The following EME2 variants were observed in gnomAD, a reference collection of about 807,000 sequenced individuals.
The protein encoded by EME2 is essential meiotic structure-specific endonuclease subunit 2.
In EME2, 58 loss-of-function variants were observed where a neutral mutation model predicts 41.9. The ratio of observed to expected loss-of-function variants is 1.38; its 90% CI spans 1.12 to 1.72. The LOEUF (loss-of-function observed/expected upper bound fraction) is 1.72. Ranked by LOEUF, EME2 falls within the 40% of genes most tolerant of loss-of-function variation. The probability of loss-of-function intolerance (pLI) is 0.00; values close to 1 mark genes in which losing one functional copy is unlikely to be tolerated. For synonymous variants in EME2, 334 were observed against 239.3 expected, an observed-to-expected ratio of 1.40 and a Z score of -3.65; for missense variants, 695 against 541.9, an observed-to-expected ratio of 1.28 and a Z score of -2.81.
chr16:1,775,613 G>C lies in EME2; in HGVS notation c.708G>C (p.Leu236=). 4.3e-6 allele frequency: 7 copies of C among 1,612,934 alleles called. No homozygotes were observed. The highest frequency in any genetic ancestry group is 1.1e-5 in the South Asian group (1 of 91,086). The part of the protein sequence containing the change: ...LQLWANLDVL[L]VASWQELSRH... ...TCTGGGCAAACCTGGACGTGCTACT[G>C]GTGGCCTCTTGGCAGGAGCTGAGTC... The change falls in exon 6 of 8, where the codon CTG becomes CTC. Residue 236 remains leucine, a synonymous_variant. Coordinates refer to ENST00000568449, the MANE Select transcript of EME2 (RefSeq NM_001257370.2).
At position 1,775,986 on chromosome 16, in the gene EME2, G is replaced by A. The variant is rs1450626661; in HGVS notation, c.969G>A (p.Gln323=). ...TCCCCTCCCCCCGCCTTCTGCAGCAGGTGGGCCCCTGCCTCCTCCAAGCCC... is the reference window on the plus strand; with the variant it reads ...TCCCCTCCCCCCGCCTTCTGCAGCAAGTGGGCCCCTGCCTCCTCCAAGCCC... The part of the protein sequence containing the change: ...TAFPSPRLLQ[Q]ALEACSTERE... Residue 323 remains glutamine, a splice_region_variant and synonymous_variant, in exon 7 of 8, where the codon CAG becomes CAA. Coordinates refer to ENST00000568449, the MANE Select transcript of EME2 (RefSeq NM_001257370.2). 6.2e-7 allele frequency: 1 copy of A among 1,608,136 alleles called. No homozygotes were observed. Among genetic ancestry groups the A allele is most frequent in the African/African-American group, 1.3e-5 (1 of 74,878 alleles).
In EME2 at chr16:1,775,559, T is replaced by C. The variant is rs748431202; in HGVS notation, c.664-10T>C. 1.2e-6 allele frequency: 2 copies of C among 1,612,320 alleles called. No individual in the cohort carries two copies. Among genetic ancestry groups the C allele is most frequent in the African/African-American group, 2.7e-5 (2 of 75,014 alleles). ...TCTGGCTCGTGCCCATCAGCTTGCC[T>C]CCTCCCCAGGCCCTGGTACTCCTGC... On this transcript the variant is annotated splice_polypyrimidine_tract_variant and intron_variant, in intron 5 of 7. Transcript: ENST00000568449.
At position 1,774,248 on chromosome 16, in the gene EME2, A is replaced by G. The variant is rs1243295207; in HGVS notation, c.385-12A>G. On this transcript the variant is annotated splice_polypyrimidine_tract_variant and intron_variant, in intron 2 of 7. Transcript: ENST00000568449. ...TTGAGACAGGCAGCAGCGCGTCCCC[A>G]TGTCCCCACAGCTGCCTCCTGAAGT... 6 of 1,610,500 alleles carry G rather than the reference A, an allele frequency of 3.7e-6. No homozygotes were observed. The highest frequency in any genetic ancestry group is 1.7e-5 in the Admixed American group (1 of 59,982).
intron 1 of EME2, 70 bp downstream of exon 1, chr16:1,773,544 C>A: frequency 1.3e-6 from 2 of 1,527,414 alleles, no homozygotes; most frequent in South Asian, 2.5e-5. Flanking sequence ...GCCCTCTGTC[C>A]GACTGGGCGG....
rs894769666 is a variant in EME2 at position 1,772,849 on chromosome 16, C to G, written c.-379C>G. The G allele has an allele frequency of 6.9e-7, 1 of 1,443,564 alleles. No individual in the cohort carries two copies. Among genetic ancestry groups the G allele is most frequent in the African/African-American group, 1.4e-5 (1 of 69,930 alleles). The allele number at this position is 1,443,564 out of a possible 1,614,324, so 89.4% of individuals were successfully genotyped here. On this transcript the variant is annotated 5_prime_UTR_variant, in exon 1 of 8. Transcript: ENST00000568449. ...CGCGTGAGGCGCCAGTAGCACGGCT[C>G]GTCGTGCTGCCACAGCCAGGACTTG...
rs376486568 is a variant in EME2, at chr16:1,778,172, C to A, written c.*1934C>A. 9.9e-6 allele frequency: 16 copies of A among 1,612,934 alleles called. No homozygotes were observed. The highest frequency in any genetic ancestry group is 1.4e-5 in the Non-Finnish European group (16 of 1,179,892). On this transcript the variant is annotated 3_prime_UTR_variant, in exon 8 of 8. Transcript: ENST00000568449. Reference sequence around the variant, plus strand: ...TAGACGGGAGAGGTCATCTTGATCTCCCAGAAGTGCTGGCCCTCCCCCAGC... The same window carrying A: ...TAGACGGGAGAGGTCATCTTGATCTACCAGAAGTGCTGGCCCTCCCCCAGC...
Position 1,777,961 on chromosome 16 carries a change from C to A in EME2, c.*1723C>A. The stretch of plus-strand genomic sequence containing the variant: ...CCTCACGCACCCGTGTAGGAGAGGC[C>A]CCAGCTGTCCTCATCCCTGCCCAGC... On this transcript the variant is annotated 3_prime_UTR_variant, in exon 8 of 8. Coordinates refer to ENST00000568449, the MANE Select transcript of EME2 (RefSeq NM_001257370.2). 1 of 1,612,912 alleles carries A rather than the reference C, an allele frequency of 6.2e-7. No homozygotes were observed. Among genetic ancestry groups the A allele is most frequent in the Non-Finnish European group, 8.5e-7 (1 of 1,179,932 alleles).
In EME2 at chr16:1,781,630, G is replaced by C. The variant is rs1896716045; in HGVS notation, c.*5392G>C. Reference sequence around the variant, plus strand: ...CGGTGCCCAGCCAGGGCTCCAGAACGCTTCAGGAGCCCGTACCTCACTCCA... The same window carrying C: ...CGGTGCCCAGCCAGGGCTCCAGAACCCTTCAGGAGCCCGTACCTCACTCCA... On this transcript the variant is annotated 3_prime_UTR_variant, in exon 8 of 8. Transcript: ENST00000568449. The C allele has an allele frequency of 6.7e-6, 6 of 897,846 alleles. No homozygotes were observed. Among genetic ancestry groups the C allele is most frequent in the Non-Finnish European group, 1.0e-5 (6 of 598,030 alleles). The allele number at this position is 897,846 out of a possible 1,614,324, so 55.6% of individuals were successfully genotyped here.
At chr16:1,775,170 G>T in intron 4 of EME2, 38 bp downstream of exon 4, 1 of 1,605,930 alleles carries the variant, frequency 6.2e-7, no homozygotes, top group Non-Finnish European at 8.5e-7. Context: ...GGGCTGGCTG[G>T]GACGGGGGTT....
In EME2 at chr16:1,781,510, A is replaced by AG. The variant is rs1896712267; in HGVS notation, c.*5274dup. ...GTGGAAAGAATCTAGAAGAAAACAC[A>AG]GGCTCTGGGCAAAGGAAGACTCACA... is the stretch of plus-strand genomic sequence containing the variant. On this transcript the variant is annotated 3_prime_UTR_variant, in exon 8 of 8. Transcript: ENST00000568449. The AG allele has an allele frequency of 6.2e-7, 1 of 1,608,504 alleles. No individual in the cohort carries two copies. Among genetic ancestry groups the AG allele is most frequent in the African/African-American group, 1.3e-5 (1 of 74,720 alleles).
chr16:1,778,790 G>A lies in EME2; in HGVS notation c.*2552G>A, dbSNP rs942563438. The A allele has an allele frequency of 8.0e-6, 5 of 621,804 alleles. No homozygotes were observed. The highest frequency in any genetic ancestry group is 5.6e-5 in the African/African-American group (3 of 53,408). The allele number at this position is 621,804 out of a possible 1,614,324, so 38.5% of individuals were successfully genotyped here. ...CCAGGCTCCCTCCCAACGGGCTCCGGCTCTGCCCCATTCTGCATGACCAGG... is the reference window on the plus strand; with the variant it reads ...CCAGGCTCCCTCCCAACGGGCTCCGACTCTGCCCCATTCTGCATGACCAGG... On this transcript the variant is annotated 3_prime_UTR_variant, in exon 8 of 8. Coordinates refer to ENST00000568449, the MANE Select transcript of EME2 (RefSeq NM_001257370.2).
In EME2 at chr16:1,775,931, C is replaced by T; in HGVS notation, c.914C>T (p.Pro305Leu). 6.2e-7 allele frequency: 1 copy of T among 1,611,942 alleles called. No homozygotes were observed. Among genetic ancestry groups the T allele is most frequent in the Non-Finnish European group, 8.5e-7 (1 of 1,179,760 alleles). Residue 305 changes from proline to leucine, a missense_variant, in exon 7 of 8, where the codon CCA (proline) becomes CTA (leucine). Pro to Leu is a moderately conservative substitution (Grantham distance 98). Coordinates refer to ENST00000568449, the MANE Select transcript of EME2 (RefSeq NM_001257370.2). ...RQIRQFSRVSPAVADAVVTAF... is the reference protein window; with the variant it reads ...RQIRQFSRVSLAVADAVVTAF... The stretch of plus-strand genomic sequence containing the variant: ...ATCAGGCAGTTCAGTCGGGTCAGCC[C>T]AGCCGTGGCTGATGCAGTTGTCACA...
chr16:1,776,017 G>A (rs1352085127), intron 7 of EME2, 31 bp downstream of exon 7: 2 of 1,606,334 alleles, frequency 1.2e-6, no homozygotes, highest in Non-Finnish European at 1.7e-6. Flanking sequence ...AGCCCTCCAG[G>A]TGCAGAAGCC....
At position 1,776,218 on chromosome 16, in the gene EME2, C is replaced by G; in HGVS notation, c.1120C>G (p.Leu374Val). ...CCTGACCACAGCCAACCCTGATCTC[C>G]TGCTGGACCTGGGCTCCTGACCACA... ...LFLTTANPDL[L>V]LDLGS Residue 374 changes from leucine (L) to valine (V), a missense_variant, in exon 8 of 8, where the codon CTG (leucine) becomes GTG (valine). Leu to Val is a conservative substitution (Grantham distance 32). Transcript: ENST00000568449. 6.2e-7 allele frequency: 1 copy of G among 1,612,568 alleles called. No homozygotes were observed. Among genetic ancestry groups the G allele is most frequent in the Non-Finnish European group, 8.5e-7 (1 of 1,179,946 alleles).
chr16:1,774,456 G>C (rs568779207), intron 3 of EME2, 104 bp downstream of exon 3: 1 of 906,668 alleles, frequency 1.1e-6, no homozygotes, highest in East Asian at 2.5e-5. Context: ...GGGGCTGGAG[G>C]GGGCATGGGG....
In EME2 at chr16:1,779,237, C is replaced by T. The variant is rs1369640910; in HGVS notation, c.*2999C>T. On this transcript the variant is annotated 3_prime_UTR_variant, in exon 8 of 8. Transcript: ENST00000568449. ...GTTCTCCTTGGTCCTGATTCTTGGC[C>T]TCCTCCCACCAGAACGTGAGCTCCT... 2 of 152,462 alleles carry T rather than the reference C, an allele frequency of 1.3e-5. No homozygotes were observed. Among genetic ancestry groups the T allele is most frequent in the East Asian group, 1.9e-4 (1 of 5,200 alleles). 9.4% of individuals were successfully genotyped at this position (152,462 alleles called of 1,614,324 possible).
At position 1,776,378 on chromosome 16, in the gene EME2, G is replaced by T; in HGVS notation, c.*140G>T. ...CTGAGCAGGTCTGACCTCAGGGGAA[G>T]GGTGGGTGGTTGCAGGGGAAGTTTT... On this transcript the variant is annotated 3_prime_UTR_variant, in exon 8 of 8. Transcript: ENST00000568449. The T allele has an allele frequency of 6.7e-6, 5 of 743,952 alleles. No individual in the cohort carries two copies. Among genetic ancestry groups the T allele is most frequent in the Non-Finnish European group, 1.1e-5 (5 of 461,592 alleles). 46.1% of individuals were successfully genotyped at this position (743,952 alleles called of 1,614,324 possible). A position where few individuals can be genotyped will look rare whatever the true frequency, so the allele number is the denominator to read the frequency against.
In EME2 at chr16:1,777,470, C is replaced by T; in HGVS notation, c.*1232C>T. 2.7e-6 allele frequency: 4 copies of T among 1,468,432 alleles called. No homozygotes were observed. Among genetic ancestry groups the T allele is most frequent in the Non-Finnish European group, 3.6e-6 (4 of 1,110,688 alleles). The allele number at this position is 1,468,432 out of a possible 1,614,324, so 91.0% of individuals were successfully genotyped here. ...TGGAAGGGAGGGGCCCAGCCTGAAC[C>T]CCAGGCAGGGAAGGGGCCAGCTACT... On this transcript the variant is annotated 3_prime_UTR_variant, in exon 8 of 8. Coordinates refer to ENST00000568449, the MANE Select transcript of EME2 (RefSeq NM_001257370.2).
rs1171462034 is a variant in EME2, at chr16:1,777,790, G to A, written c.*1552G>A. 1.9e-6 allele frequency: 3 copies of A among 1,612,884 alleles called. No homozygotes were observed. The highest frequency in any genetic ancestry group is 2.7e-5 in the African/African-American group (2 of 75,038). The stretch of plus-strand genomic sequence containing the variant: ...TGAAAAAGGTGAGTGTGCCGTGCCA[G>A]GTGTCCAGGTGCACGCCAATGATGG... On this transcript the variant is annotated 3_prime_UTR_variant, in exon 8 of 8. Coordinates refer to ENST00000568449, the MANE Select transcript of EME2 (RefSeq NM_001257370.2).
Sources: gnomAD v4.1 joint callset for allele counts on GRCh38, gnomAD v4.1.1 for gene constraint, MANE v1.5 for transcripts, NCBI Gene and HGNC (gene_info 2026-07-23, HGNC 2026-07-21) for gene names.